Variants in BRINP3 observed in about 807,000 individuals in gnomAD.
BRINP3 encodes the protein BMP/retinoic acid-inducible neural-specific protein 3.
A neutral mutation model predicts 71.0 loss-of-function variants in BRINP3; 19 were observed. The observed-to-expected ratio is 0.27, with a 90% CI of 0.19 to 0.39. The LOEUF (loss-of-function observed/expected upper bound fraction) is 0.39. Among genes scored for constraint, BRINP3 ranks in the 10% least tolerant of loss-of-function variants. The probability of loss-of-function intolerance (pLI) is 1.00; values close to 1 mark genes in which losing one functional copy is unlikely to be tolerated. For missense variants in BRINP3, 959 were observed against 940.8 expected, an observed-to-expected ratio of 1.02 and a Z score of -0.25; for synonymous variants, 380 against 337.7, an observed-to-expected ratio of 1.13 and a Z score of -1.37.
chr1:190,156,491 T>C (rs1233183856), intron 7 of BRINP3, among the ~76,000 whole-genome samples: 1 of 150,688 alleles, frequency 6.6e-6, no homozygotes, highest in African/African-American at 2.4e-5. Flanking sequence ...TACCATATTC[T>C]ACCCTCCTAG....
chr1:190,134,491 C>G (rs1438681731), intron 7 of BRINP3, among the ~76,000 whole-genome samples: 1 of 151,962 alleles, frequency 6.6e-6, no homozygotes, highest in Non-Finnish European at 1.5e-5. Context: ...AGAATGAATT[C>G]AAAAGAAGGG....
chr1:190,195,436 C>T (rs1654394240), intron 6 of BRINP3, among the ~76,000 whole-genome samples: 1 of 151,836 alleles, frequency 6.6e-6, no homozygotes, highest in Non-Finnish European at 1.5e-5. Context: ...GTAATCCTAG[C>T]CCTGCAGTTT....
chr1:190,338,879 T>C (rs1192376171), intron 2 of BRINP3, among the ~76,000 whole-genome samples: 3 of 151,884 alleles, frequency 2.0e-5, no homozygotes, highest in African/African-American at 7.2e-5. Flanking sequence ...TAGTTATCAA[T>C]ATATTCTTGT....
intron 4 of BRINP3, among the ~76,000 whole-genome samples, chr1:190,245,048 T>A (rs981756437): frequency 2.0e-5 from 3 of 152,010 alleles, no homozygotes; most frequent in Non-Finnish European, 4.4e-5. Flanking sequence ...GGACAACTAA[T>A]ACCTGTGCAC....
chr1:190,103,523 C>T (rs908783591), intron 7 of BRINP3, among the ~76,000 whole-genome samples: 4 of 152,006 alleles, frequency 2.6e-5, no homozygotes, highest in African/African-American at 7.2e-5. Context: ...ATTCAGGAAT[C>T]TCATGTTAAA....
intron 2 of BRINP3, among the ~76,000 whole-genome samples, chr1:190,371,089 T>A (rs1051791764): frequency 4.6e-5 from 7 of 152,140 alleles, no homozygotes; most frequent in Admixed American, 1.3e-4. Flanking sequence ...TCTTATCACA[T>A]CTTTGGTTTG....
At chr1:190,373,987 A>G (rs1228640282) in intron 2 of BRINP3, among the ~76,000 whole-genome samples, 1 of 151,380 alleles carries the variant, frequency 6.6e-6, no homozygotes, top group East Asian at 2.0e-4. Context: ...CCAATTGCAC[A>G]GGGTTTGAAT....
At chr1:190,282,854 T>C (rs2102940963) in intron 2 of BRINP3, among the ~76,000 whole-genome samples, 1 of 152,076 alleles carries the variant, frequency 6.6e-6, no homozygotes, top group African/African-American at 2.4e-5. Context: ...TGATGAGAAA[T>C]ATGACTATAT....
At chr1:190,300,387 G>GT (rs1395958727) in intron 2 of BRINP3, among the ~76,000 whole-genome samples, 1 of 152,080 alleles carries the variant, frequency 6.6e-6, no homozygotes, top group African/African-American at 2.4e-5. Flanking sequence ...TCAAGACTTG[G>GT]TTTTCAGCTC....
At chr1:190,453,422 T>G (rs1031883795) in intron 2 of BRINP3, among the ~76,000 whole-genome samples, 4 of 151,540 alleles carry the variant, frequency 2.6e-5, no homozygotes, top group African/African-American at 9.7e-5. Flanking sequence ...GGTTTCACCA[T>G]GTTGGAAGAT....
rs1051770978 is a variant in BRINP3 at position 190,170,683 on chromosome 1, C to T, written c.962-9793G>A. ...ATAAAAATGTAGATACATTTCTTAA[C>T]TTATGGATGAGAAAATGGCAAATGA... On this transcript the variant is annotated intron_variant, in intron 6 of 7. Transcript: ENST00000367462. Among the ~76,000 whole-genome samples the T allele has an allele frequency of 5.3e-5, 8 of 152,168 alleles. No homozygotes were observed. In the East Asian group the frequency reaches 1.5e-3, roughly 29 times the overall value.
chr1:190,474,586 C>T (rs542383161), intron 1 of BRINP3: 7 of 152,622 alleles, frequency 4.6e-5, no homozygotes, highest in Admixed American at 3.9e-4. Flanking sequence ...AATTTGCAAC[C>T]CTAGTCACCT....
At chr1:190,391,249 T>G (rs1671234022) in intron 2 of BRINP3, among the ~76,000 whole-genome samples, 1 of 151,792 alleles carries the variant, frequency 6.6e-6, no homozygotes, top group Admixed American at 6.6e-5. Flanking sequence ...GCTTATTTCC[T>G]ACTTCTGAAT....
chr1:190,405,147 T>C (rs1262212192), intron 2 of BRINP3, among the ~76,000 whole-genome samples: 1 of 152,106 alleles, frequency 6.6e-6, no homozygotes, highest in Non-Finnish European at 1.5e-5. Context: ...TAATAAAAAA[T>C]ATTTTTAAAG....
At chr1:190,124,863 A>G (rs1257658282) in intron 7 of BRINP3, among the ~76,000 whole-genome samples, 3 of 152,080 alleles carry the variant, frequency 2.0e-5, no homozygotes, top group Non-Finnish European at 4.4e-5. Flanking sequence ...ATATTTACCT[A>G]AAATCTTTAC....
chr1:190,418,607 A>G lies in BRINP3; in HGVS notation c.236+36048T>C, dbSNP rs553940179. 1.2e-3 allele frequency among the ~76,000 whole-genome samples: 185 copies of G among 152,300 alleles called. 1 individual carries two copies. The highest frequency in any genetic ancestry group is 4.3e-3 in the African/African-American group (180 of 41,576). The stretch of plus-strand genomic sequence containing the variant: ...ACTGGCCAATTTTAAAATGTGAAAT[A>G]AATCCTTTTAGGTATAATTTGTCCT... On this transcript the variant is annotated intron_variant, in intron 2 of 7. Transcript: ENST00000367462.
chr1:190,162,738 G>A (rs985857137), intron 6 of BRINP3, among the ~76,000 whole-genome samples: 3 of 152,082 alleles, frequency 2.0e-5, no homozygotes, highest in Admixed American at 2.0e-4. Context: ...TTGAAGATAA[G>A]GAGTATCTTT....
intron 2 of BRINP3, among the ~76,000 whole-genome samples, chr1:190,419,378 A>G (rs554003489): frequency 1.3e-5 from 2 of 152,192 alleles, no homozygotes; most frequent in African/African-American, 4.8e-5. Flanking sequence ...ATGTATATGA[A>G]TTTTAAGTTT....
At chr1:190,294,812 C>G (rs1664131372) in intron 2 of BRINP3, among the ~76,000 whole-genome samples, 1 of 151,872 alleles carries the variant, frequency 6.6e-6, no homozygotes, top group Admixed American at 6.6e-5. Flanking sequence ...CCAGTGGTTG[C>G]TCTTGGCATT....
Sources: allele counts gnomAD v4.1 joint callset (sites outside exome capture counted in the v4.1 genomes callset), GRCh38; gene constraint gnomAD v4.1.1; transcripts MANE v1.5; gene names NCBI Gene and HGNC (gene_info 2026-07-23, HGNC 2026-07-21).